The following GRIK2 variants were observed in gnomAD, a reference collection of about 807,000 sequenced individuals.
GRIK2 encodes glutamate receptor ionotropic, kainate 2.
A neutral mutation model predicts 100.3 loss-of-function variants in GRIK2; 32 were observed. The observed-to-expected ratio is 0.32, with a 90% confidence interval of 0.24 to 0.43. The LOEUF (loss-of-function observed/expected upper bound fraction) is 0.43. GRIK2 is among the 20% of genes least tolerant of loss of function. The pLI is 1.00. For synonymous variants in GRIK2, 417 were observed against 389.4 expected (o/e 1.07, Z -0.83); for missense variants, 843 against 1,114.9 (o/e 0.76, Z 3.47).
chr6:101,583,048 G>A (rs1778177169), intron 2 of GRIK2, among the ~76,000 whole-genome samples: 1 of 152,110 alleles, frequency 6.6e-6, no homozygotes, highest in Non-Finnish European at 1.5e-5. Flanking sequence ...GCAAGGCCAA[G>A]GGAGGCATAA....
In GRIK2 at chr6:101,950,761, C is replaced by T. The variant is rs1394616497; in HGVS notation, c.2085+22129C>T. Among the ~76,000 whole-genome samples, 5 of 151,944 alleles carry T rather than the reference C, an allele frequency of 3.3e-5. No individual in the cohort carries two copies. The South Asian group carries it at 6.2e-4, about 19-fold the overall frequency. ...GTAGCCTCTAAATTAGCACAGAATA[C>T]AAGTACTAACAGTAGTGGGAGCCAG... On this transcript the variant is annotated intron_variant, in intron 14 of 16. Transcript: ENST00000369134.
chr6:101,469,022 A>G (rs1222792243), intron 2 of GRIK2, among the ~76,000 whole-genome samples: 1 of 152,134 alleles, frequency 6.6e-6, no homozygotes, highest in African/African-American at 2.4e-5. Flanking sequence ...TCCACCAGAA[A>G]TATTAAAAAA....
intron 14 of GRIK2, among the ~76,000 whole-genome samples, chr6:102,010,172 G>A (rs1279779693): frequency 3.3e-5 from 5 of 151,976 alleles, no homozygotes; most frequent in Admixed American, 6.6e-5. Flanking sequence ...ACTATTGATG[G>A]ACTTAACACT....
At chr6:101,628,759 A>G (rs1222686095) in intron 4 of GRIK2, among the ~76,000 whole-genome samples, 2 of 152,122 alleles carry the variant, frequency 1.3e-5, no homozygotes, top group Non-Finnish European at 2.9e-5. Context: ...ATATCCTTAT[A>G]ATGTATACAT....
At chr6:101,733,796 A>G (rs1775452822) in intron 7 of GRIK2, among the ~76,000 whole-genome samples, 1 of 142,504 alleles carries the variant, frequency 7.0e-6, no homozygotes, top group Admixed American at 7.7e-5. Context: ...TTGCTTAGAA[A>G]TCTCCTCAGC....
intron 2 of GRIK2, among the ~76,000 whole-genome samples, chr6:101,448,350 G>T (rs577633132): frequency 6.6e-6 from 1 of 151,616 alleles, no homozygotes; most frequent in African/African-American, 2.4e-5. Context: ...TTAAGTCTGA[G>T]ATCTGAAACA....
At position 101,673,761 on chromosome 6, in the gene GRIK2, G is replaced by T. The variant is rs191614537; in HGVS notation, c.542-2862G>T. The stretch of plus-strand genomic sequence containing the variant: ...GTTCTTTCCAACCAAAATATTATTT[G>T]CCAGTCTTCATTTGTAGTTACTTGC... On this transcript the variant is annotated intron_variant, in intron 4 of 16. Transcript: ENST00000369134. 1.7e-3 allele frequency among the ~76,000 whole-genome samples: 260 copies of T among 152,080 alleles called. 2 individuals are homozygous for T. The highest frequency in any genetic ancestry group is 5.7e-3 in the African/African-American group (236 of 41,488).
intron 13 of GRIK2, 141 bp from the exon 14 acceptor site, chr6:101,928,274 G>T (rs1255564572): frequency 8.2e-6 from 5 of 613,110 alleles, no homozygotes; most frequent in Non-Finnish European, 1.2e-5. Context: ...AATGGTTGTT[G>T]CTTGCTTACT....
At chr6:101,555,512 G>A (rs1166925193) in intron 2 of GRIK2, among the ~76,000 whole-genome samples, 2 of 151,982 alleles carry the variant, frequency 1.3e-5, no homozygotes, top group Non-Finnish European at 2.9e-5. Flanking sequence ...AGAGGAATAG[G>A]GACTTCAATG....
intron 14 of GRIK2, among the ~76,000 whole-genome samples, chr6:102,018,527 C>G (rs996960541): frequency 2.6e-5 from 4 of 152,022 alleles, no homozygotes; most frequent in African/African-American, 9.7e-5. Context: ...AGTTTCCCCC[C>G]ACTTCTGGCA....
intron 3 of GRIK2, among the ~76,000 whole-genome samples, chr6:101,624,767 TG>T (rs1348434349): frequency 1.3e-5 from 2 of 152,110 alleles, no homozygotes; most frequent in African/African-American, 4.8e-5. Flanking sequence ...AGTTTTGGTC[TG>T]GCACCCAGGT....
chr6:101,606,774 T>C (rs1426854268), intron 2 of GRIK2, among the ~76,000 whole-genome samples: 1 of 151,978 alleles, frequency 6.6e-6, no homozygotes, highest in Non-Finnish European at 1.5e-5. Flanking sequence ...CTCAGGTGGA[T>C]TTAGATGCAA....
intron 14 of GRIK2, among the ~76,000 whole-genome samples, chr6:102,006,385 TATATA>T (rs1795229912): frequency 8.5e-6 from 1 of 117,176 alleles, no homozygotes; most frequent in Non-Finnish European, 1.6e-5. Flanking sequence ...TATATATATA[TATATA>T]TTTTTTTTTT....
intron 2 of GRIK2, among the ~76,000 whole-genome samples, chr6:101,441,506 A>T (rs566705236): frequency 6.6e-6 from 1 of 152,176 alleles, no homozygotes; most frequent in Non-Finnish European, 1.5e-5. Context: ...TACCCAGAAC[A>T]CGGTATTATG....
chr6:101,661,126 A>T lies in GRIK2; in HGVS notation c.542-15497A>T, dbSNP rs866346274. 2.0e-5 allele frequency among the ~76,000 whole-genome samples: 3 copies of T among 152,162 alleles called. No individual in the cohort carries two copies. The East Asian group carries it at 5.8e-4, about 29-fold the overall frequency. ...GTCTAGGAAGACAGATGTTTTATCT[A>T]TAAGCCCTGACTGGGGCTGCTGCCT... On this transcript the variant is annotated intron_variant, in intron 4 of 16. Coordinates refer to ENST00000369134, the MANE Select transcript of GRIK2 (RefSeq NM_021956.5).
chr6:102,023,529 TA>T (rs1769538672), intron 14 of GRIK2, among the ~76,000 whole-genome samples: 1 of 151,524 alleles, frequency 6.6e-6, no homozygotes, highest in Non-Finnish European at 1.5e-5. Context: ...TGTGTTTCCA[TA>T]AATGGTTTTA....
chr6:101,485,285 G>T (rs1183735384), intron 2 of GRIK2, among the ~76,000 whole-genome samples: 1 of 152,132 alleles, frequency 6.6e-6, no homozygotes. Flanking sequence ...CTCACATGAA[G>T]CAGCTGGCTA....
intron 4 of GRIK2, among the ~76,000 whole-genome samples, chr6:101,664,660 G>T (rs1402792450): frequency 6.6e-6 from 1 of 152,118 alleles, no homozygotes; most frequent in Non-Finnish European, 1.5e-5. Flanking sequence ...ACAGCATATT[G>T]ACTTTATAAG....
At chr6:101,817,421 A>T (rs1781699535) in intron 9 of GRIK2, among the ~76,000 whole-genome samples, 1 of 152,194 alleles carries the variant, frequency 6.6e-6, no homozygotes, top group Non-Finnish European at 1.5e-5. Flanking sequence ...AATAAGTTGG[A>T]TACTTGTCTA....
Sources: allele counts gnomAD v4.1 joint callset (sites outside exome capture counted in the v4.1 genomes callset), GRCh38; gene constraint gnomAD v4.1.1; transcripts MANE v1.5; gene names NCBI Gene and HGNC (gene_info 2026-07-23, HGNC 2026-07-21).